The following SULT2B1 variants were observed in gnomAD, a reference collection of about 807,000 sequenced individuals.
The protein encoded by SULT2B1 is sulfotransferase family 2B member 1.
SULT2B1 carries 16 observed loss-of-function variants against 33.2 expected under a neutral mutation model. The ratio of observed to expected loss-of-function variants is 0.48; its 90% CI spans 0.33 to 0.73. The LOEUF is 0.73. Among genes scored for constraint, SULT2B1 ranks in the 30% least tolerant of loss-of-function variants. SULT2B1 has a pLI of 0.02. For missense variants in SULT2B1, 500 were observed against 506.0 expected (o/e 0.99, Z 0.11); for synonymous variants, 186 against 200.5 (o/e 0.93, Z 0.61).
chr19:48,593,915 G>GTTATA (rs1165682633), intron 5 of SULT2B1, among the ~76,000 whole-genome samples: 2 of 151,338 alleles, frequency 1.3e-5, no homozygotes, highest in Admixed American at 6.6e-5. Flanking sequence ...ATTTGGACCA[G>GTTATA]TTATATATTT....
At chr19:48,591,506 C>T in intron 3 of SULT2B1, 103 bp from the exon 4 acceptor site, 1 of 1,356,082 alleles carries the variant, frequency 7.4e-7, no homozygotes, top group Non-Finnish European at 9.9e-7. Context: ...GTCCTTCCTG[C>T]TTCAGGGTCA....
At chr19:48,579,955 G>T (rs1016996737) in intron 2 of SULT2B1, among the ~76,000 whole-genome samples, 1 of 151,532 alleles carries the variant, frequency 6.6e-6, no homozygotes, top group Admixed American at 6.6e-5. Flanking sequence ...GCAGGGTCTC[G>T]ATCTTTCGCT....
chr19:48,585,488 T>C (rs1374653791), intron 2 of SULT2B1, among the ~76,000 whole-genome samples: 1 of 151,744 alleles, frequency 6.6e-6, no homozygotes, highest in Admixed American at 6.6e-5. Flanking sequence ...GCTAACATGG[T>C]GAAATCCCAT....
At chr19:48,572,150 G>A (rs2147608291) in intron 1 of SULT2B1, among the ~76,000 whole-genome samples, 1 of 152,264 alleles carries the variant, frequency 6.6e-6, no homozygotes, top group East Asian at 1.9e-4. Context: ...AGGGAATTCA[G>A]AGGTTTAAGG....
chr19:48,591,328 TG>T (rs1973639968), intron 3 of SULT2B1: 1 of 266,732 alleles, frequency 3.7e-6, no homozygotes, highest in African/African-American at 2.2e-5. Context: ...AAAATTATCC[TG>T]ATGTGGTGGC....
intron 2 of SULT2B1, among the ~76,000 whole-genome samples, chr19:48,584,526 A>T (rs1227094180): frequency 1.4e-5 from 2 of 140,332 alleles, no homozygotes; most frequent in African/African-American, 3.1e-5. Flanking sequence ...TCCAGCTCCA[A>T]TATCACAAAA....
At chr19:48,576,453 T>C (rs1568408471) in intron 2 of SULT2B1, among the ~76,000 whole-genome samples, 4 of 141,594 alleles carry the variant, frequency 2.8e-5, no homozygotes, top group Non-Finnish European at 4.5e-5. Flanking sequence ...TGCCTTGGCC[T>C]CCCAAAGTGC....
intron 2 of SULT2B1, among the ~76,000 whole-genome samples, chr19:48,586,909 G>A (rs1289578135): frequency 6.6e-6 from 1 of 152,072 alleles, no homozygotes; most frequent in Non-Finnish European, 1.5e-5. Flanking sequence ...TCAGGAGTTC[G>A]AGACCAGCCT....
In SULT2B1 at chr19:48,599,217, G is replaced by A. The variant is rs1973765378; in HGVS notation, c.909G>A (p.Gly303=). 3 of 1,607,302 alleles carry A rather than the reference G, an allele frequency of 1.9e-6. No homozygotes were observed. Among genetic ancestry groups the A allele is most frequent in the Non-Finnish European group, 8.5e-7 (1 of 1,178,260 alleles). The change falls in exon 7 of 7, where the codon GGG becomes GGA. Residue 303 remains glycine (G), a synonymous_variant. Coordinates refer to ENST00000201586, the MANE Select transcript of SULT2B1 (RefSeq NM_177973.2). This position sits in a 1 kb window ranked among gnomAD's most constrained non-coding sequence, Gnocchi z 4.1. ...GTGCCTACCGCAAGCAGATGCGGGG[G>A]ATGCCGACCTTCCCCTGGGATGAAG... The part of the protein sequence containing the change: ...FDRAYRKQMR[G]MPTFPWDEDP...
At chr19:48,592,966 C>G in intron 5 of SULT2B1, 150 bp downstream of exon 5, 1 of 684,618 alleles carries the variant, frequency 1.5e-6, no homozygotes. Context: ...AACAGAGGCC[C>G]TGAGCCTGTG....
intron 3 of SULT2B1, among the ~76,000 whole-genome samples, chr19:48,589,241 G>A (rs957105562): frequency 2.6e-5 from 4 of 151,860 alleles, no homozygotes; most frequent in Non-Finnish European, 5.9e-5. Context: ...GGGTGTGAGA[G>A]AAGGGGATGA....
rs369121763 is a variant in SULT2B1, at chr19:48,591,575, C to G, written c.424-34C>G. The G allele has an allele frequency of 3.8e-6, 6 of 1,592,398 alleles. No homozygotes were observed. In the African/African-American group the frequency reaches 6.7e-5, roughly 18 times the overall value. ...GGGCTGGGGTCTTGCCTGTGTCTGA[C>G]GCCTTCTCCCCTCTCCTCACCATCC... On this transcript the variant is annotated intron_variant, in intron 3 of 6. Transcript: ENST00000201586.
At chr19:48,593,777 GGCAT>G (rs1973674894) in intron 5 of SULT2B1, among the ~76,000 whole-genome samples, 1 of 149,864 alleles carries the variant, frequency 6.7e-6, no homozygotes, top group South Asian at 2.1e-4. Context: ...TGGGATTACA[GGCAT>G]GCGCCACCAC....
intron 5 of SULT2B1, chr19:48,596,270 G>A (rs1973712794): frequency 6.1e-6 from 1 of 163,594 alleles, no homozygotes. Flanking sequence ...CCCAGAGAGG[G>A]AGGCCAGGCT....
chr19:48,554,592 C>T (rs1224427604), intron 1 of SULT2B1, among the ~76,000 whole-genome samples: 6 of 146,784 alleles, frequency 4.1e-5, no homozygotes, highest in Non-Finnish European at 6.0e-5. Flanking sequence ...AATTCCTCAG[C>T]GCCCAGCCCT....
intron 5 of SULT2B1, 160 bp from the exon 6 acceptor site, chr19:48,596,579 T>G: frequency 1.3e-6 from 1 of 740,738 alleles, no homozygotes; most frequent in South Asian, 1.9e-5. Flanking sequence ...TTAGAGGCGA[T>G]ATAGCCCAAC....
chr19:48,571,842 A>G (rs1973333904), intron 1 of SULT2B1, among the ~76,000 whole-genome samples: 1 of 152,016 alleles, frequency 6.6e-6, no homozygotes, highest in South Asian at 2.1e-4. Context: ...AGCCCTCATG[A>G]TAAGGGGTGA....
chr19:48,552,658 A>C lies in SULT2B1; in HGVS notation c.71+335A>C, dbSNP rs1286947297. On this transcript the variant is annotated intron_variant, in intron 1 of 6. Transcript: ENST00000201586. The surrounding 1 kb of genome is among the most constrained non-coding windows in gnomAD (Gnocchi z 4.8). ...TGGAAGAGAGCAGGCAGCTTGGTGC[A>C]TAGTAGTTGCTCAGGAAACACAACA... Among the ~76,000 whole-genome samples the C allele has an allele frequency of 2.0e-5, 3 of 152,300 alleles. No homozygotes were observed. The East Asian group carries it at 5.8e-4, about 29-fold the overall frequency.
At chr19:48,591,840 A>G in intron 4 of SULT2B1, 105 bp downstream of exon 4, 2 of 1,353,346 alleles carry the variant, frequency 1.5e-6, no homozygotes, top group South Asian at 3.0e-5. Context: ...AGACAGAGAC[A>G]CAGGGCATCA....
Sources: allele counts gnomAD v4.1 joint callset (sites outside exome capture counted in the v4.1 genomes callset), GRCh38; gene constraint gnomAD v4.1.1; non-coding constraint Gnocchi (gnomAD v3.1); transcripts MANE v1.5; gene names NCBI Gene and HGNC (gene_info 2026-07-23, HGNC 2026-07-21).